The following CD58 variants were observed in gnomAD, a reference collection of about 807,000 sequenced individuals.
CD58 encodes the protein CD58 molecule, also known as lymphocyte function-associated antigen 3.
Under a neutral mutation model 27.6 loss-of-function variants are expected in CD58, and 14 were observed. That is an observed-to-expected ratio of 0.51 (90% CI 0.34 to 0.79). The LOEUF (loss-of-function observed/expected upper bound fraction) is 0.79. CD58 is among the 30% of genes least tolerant of loss of function. The pLI is 0.02. For synonymous variants in CD58, 117 were observed against 103.8 expected (o/e 1.13, Z -0.77); for missense variants, 268 against 301.7 (o/e 0.89, Z 0.83).
At chr1:116,518,707 G>A (rs1180227491) in intron 5 of CD58, 9 of 989,634 alleles carry the variant, frequency 9.1e-6, no homozygotes, top group Non-Finnish European at 1.1e-5. Context: ...CCCTACGGCG[G>A]TTTATTAAAC....
rs980001664 is a variant in CD58, at chr1:116,546,991, T to C, written c.71-2387A>G. Among the ~76,000 whole-genome samples the C allele has an allele frequency of 6.6e-6, 1 of 152,174 alleles. No individual in the cohort carries two copies. The highest frequency in any genetic ancestry group is 2.4e-5 in the African/African-American group (1 of 41,418). ...TATATTTTCTTCCTTATGCTTTTTT[T>C]TCTTTTTTAAATTTTTTTATTACTA... On this transcript the variant is annotated intron_variant, in intron 1 of 5. Coordinates refer to ENST00000369489, the MANE Select transcript of CD58 (RefSeq NM_001779.3). The surrounding 1 kb of genome is among the most constrained non-coding windows in gnomAD (Gnocchi z 4.1).
chr1:116,531,009 G>A lies in CD58; in HGVS notation c.628+4956C>T, dbSNP rs1657584622. 6.6e-6 allele frequency among the ~76,000 whole-genome samples: 1 copy of A among 151,956 alleles called. No individual in the cohort carries two copies. The highest frequency in any genetic ancestry group is 2.1e-4 in the South Asian group (1 of 4,824). On this transcript the variant is annotated intron_variant, in intron 3 of 5. Coordinates refer to ENST00000369489, the MANE Select transcript of CD58 (RefSeq NM_001779.3). The surrounding 1 kb of genome is among the most constrained non-coding windows in gnomAD (Gnocchi z 4.5). Reference sequence around the variant, plus strand: ...CTTTCAAAATCTGTTGTATATATGTGAACTATCAATTTGGAAGAAAATGTA... The same window carrying A: ...CTTTCAAAATCTGTTGTATATATGTAAACTATCAATTTGGAAGAAAATGTA...
chr1:116,540,069 C>G (rs1657944498), intron 2 of CD58, among the ~76,000 whole-genome samples: 2 of 152,136 alleles, frequency 1.3e-5, no homozygotes, highest in Admixed American at 1.3e-4. Context: ...ACATAAAAAT[C>G]ATCATCTGAG....
At position 116,516,612 on chromosome 1, in the gene CD58, C is replaced by G. The variant is rs1657088842; in HGVS notation, c.744-1790G>C. Among the ~76,000 whole-genome samples, 1 of 152,204 alleles carries G rather than the reference C, an allele frequency of 6.6e-6. No homozygotes were observed. The highest frequency in any genetic ancestry group is 2.1e-4 in the South Asian group (1 of 4,834). Reference sequence around the variant, plus strand: ...AATCACAACAGATTTAATTCCCTCTCATGTATTTGCCTCCGCTGTTTATCC... The same window carrying G: ...AATCACAACAGATTTAATTCCCTCTGATGTATTTGCCTCCGCTGTTTATCC... On this transcript the variant is annotated intron_variant, in intron 5 of 5. Coordinates refer to ENST00000369489, the MANE Select transcript of CD58 (RefSeq NM_001779.3). This position sits in a 1 kb window ranked among gnomAD's most constrained non-coding sequence, Gnocchi z 6.1.
chr1:116,536,675 T>TC lies in CD58; in HGVS notation c.365-448dup, dbSNP rs931877048. Among the ~76,000 whole-genome samples, 37 of 152,290 alleles carry TC rather than the reference T, an allele frequency of 2.4e-4. No homozygotes were observed. Among genetic ancestry groups the TC allele is most frequent in the Non-Finnish European group, 3.7e-4 (25 of 68,012 alleles). ...TCGCCTTCTGCCATGATTGTAAGTT[T>TC]CCCGAGGCCTCCCCAGCCATGTGGA... is the stretch of plus-strand genomic sequence containing the variant. On this transcript the variant is annotated intron_variant, in intron 2 of 5. Coordinates refer to ENST00000369489, the MANE Select transcript of CD58 (RefSeq NM_001779.3). The surrounding 1 kb of genome is among the most constrained non-coding windows in gnomAD (Gnocchi z 5.4).
At chr1:116,542,538 G>A (rs544866417) in intron 2 of CD58, among the ~76,000 whole-genome samples, 1 of 152,328 alleles carries the variant, frequency 6.6e-6, no homozygotes, top group East Asian at 1.9e-4. Context: ...ACTTCTTCAA[G>A]GAGATTTTCT....
chr1:116,534,191 G>A lies in CD58; in HGVS notation c.628+1774C>T. On this transcript the variant is annotated intron_variant, in intron 3 of 5. Coordinates refer to ENST00000369489, the MANE Select transcript of CD58 (RefSeq NM_001779.3). This position sits in a 1 kb window ranked among gnomAD's most constrained non-coding sequence, Gnocchi z 5.3. ...TCGGGGAGCACACGCCGCCCATCTG[G>A]CTCGCACCGCACAGCTCCCAACAGC... 1 of 594,220 alleles carries A rather than the reference G, an allele frequency of 1.7e-6. No homozygotes were observed. 36.8% of individuals were successfully genotyped at this position (594,220 alleles called of 1,614,324 possible). A position where few individuals can be genotyped will look rare whatever the true frequency, so the allele number is the denominator to read the frequency against.
Position 116,557,345 on chromosome 1 carries a change from A to G in CD58, c.71-12741T>C, listed in dbSNP as rs776046007. Among the ~76,000 whole-genome samples the G allele has an allele frequency of 3.3e-5, 5 of 152,164 alleles. No individual in the cohort carries two copies. The highest frequency in any genetic ancestry group is 6.5e-5 in the Admixed American group (1 of 15,282). ...GGCTCAGGAGCCCTCATATACAACC[A>G]AAACAGACTCAGTTTTTCAGCCCCA... On this transcript the variant is annotated intron_variant, in intron 1 of 5. Transcript: ENST00000369489. The surrounding 1 kb of genome is among the most constrained non-coding windows in gnomAD (Gnocchi z 5.2).
chr1:116,533,832 T>G lies in CD58; in HGVS notation c.628+2133A>C, dbSNP rs1161285157. ...CATATTTTCTTTCCAAGTCATGAAC[T>G]TCTTCATAGAACTTGGCTTCTATAT... is the stretch of plus-strand genomic sequence containing the variant. On this transcript the variant is annotated intron_variant, in intron 3 of 5. Transcript: ENST00000369489. 8 of 800,810 alleles carry G rather than the reference T, an allele frequency of 1.0e-5. No homozygotes were observed. The East Asian group carries it at 1.8e-4, about 18-fold the overall frequency. The allele number at this position is 800,810 out of a possible 1,614,324, so 49.6% of individuals were successfully genotyped here.
intron 1 of CD58, among the ~76,000 whole-genome samples, chr1:116,554,771 T>C (rs999733383): frequency 6.6e-6 from 1 of 152,120 alleles, no homozygotes; most frequent in Non-Finnish European, 1.5e-5. Context: ...TATTATAATA[T>C]TAAAACTATG....
At position 116,570,774 on chromosome 1, in the gene CD58, C is replaced by T. The variant is rs142491905; in HGVS notation, c.70+129G>A. 270 of 648,372 alleles carry T rather than the reference C, an allele frequency of 4.2e-4. No homozygotes were observed. In the African/African-American group the frequency reaches 4.9e-3, roughly 12 times the overall value. The allele number at this position is 648,372 out of a possible 1,614,324, so 40.2% of individuals were successfully genotyped here. On this transcript the variant is annotated intron_variant, in intron 1 of 5. Transcript: ENST00000369489. This position sits in a 1 kb window ranked among gnomAD's most constrained non-coding sequence, Gnocchi z 6.4. ...AAGGCTCCCACGGCTGAGTTGTTCCCGGCCCACAGCGACCCGTCCCCACCC... is the reference window on the plus strand; with the variant it reads ...AAGGCTCCCACGGCTGAGTTGTTCCTGGCCCACAGCGACCCGTCCCCACCC...
chr1:116,538,442 T>C lies in CD58; in HGVS notation c.365-2214A>G, dbSNP rs1174619833. Among the ~76,000 whole-genome samples the C allele has an allele frequency of 6.6e-6, 1 of 152,230 alleles. No homozygotes were observed. Among genetic ancestry groups the C allele is most frequent in the African/African-American group, 2.4e-5 (1 of 41,450 alleles). ...TCTCAGTATTTCATATACTTATGCC[T>C]GCCTCTGTAACTAGGCTGGGCATTT... On this transcript the variant is annotated intron_variant, in intron 2 of 5. Transcript: ENST00000369489. This position sits in a 1 kb window ranked among gnomAD's most constrained non-coding sequence, Gnocchi z 4.7.
intron 1 of CD58, among the ~76,000 whole-genome samples, chr1:116,569,933 G>A (rs913129204): frequency 1.3e-5 from 2 of 152,108 alleles, no homozygotes; most frequent in Non-Finnish European, 2.9e-5. Context: ...TTATCTGATC[G>A]TGCGGGTACT....
In CD58 at chr1:116,557,157, G is replaced by A. The variant is rs569899126; in HGVS notation, c.71-12553C>T. On this transcript the variant is annotated intron_variant, in intron 1 of 5. Coordinates refer to ENST00000369489, the MANE Select transcript of CD58 (RefSeq NM_001779.3). The surrounding 1 kb of genome is among the most constrained non-coding windows in gnomAD (Gnocchi z 5.2). Reference sequence around the variant, plus strand: ...AAAATGATTAAAATACAACTTAAATGTAGTTCAAAAGATAAGGCTTCCTGA... The same window carrying A: ...AAAATGATTAAAATACAACTTAAATATAGTTCAAAAGATAAGGCTTCCTGA... Among the ~76,000 whole-genome samples the A allele has an allele frequency of 6.6e-6, 1 of 152,288 alleles. No individual in the cohort carries two copies. Among genetic ancestry groups the A allele is most frequent in the South Asian group, 2.1e-4 (1 of 4,828 alleles).
At chr1:116,553,807 G>C (rs1181807830) in intron 1 of CD58, among the ~76,000 whole-genome samples, 1 of 152,144 alleles carries the variant, frequency 6.6e-6, no homozygotes, top group Non-Finnish European at 1.5e-5. Context: ...GTATGAAGTG[G>C]GAAAAGGCAG....
At position 116,531,170 on chromosome 1, in the gene CD58, C is replaced by T. The variant is rs985205258; in HGVS notation, c.628+4795G>A. On this transcript the variant is annotated intron_variant, in intron 3 of 5. Coordinates refer to ENST00000369489, the MANE Select transcript of CD58 (RefSeq NM_001779.3). This position sits in a 1 kb window ranked among gnomAD's most constrained non-coding sequence, Gnocchi z 4.5. ...ACTATTTACAGGGAAAGTAATCTTA[C>T]TTTCAGTAAGAGTAATTTTACTTTG... 3.3e-5 allele frequency among the ~76,000 whole-genome samples: 5 copies of T among 152,132 alleles called. No homozygotes were observed. Among genetic ancestry groups the T allele is most frequent in the African/African-American group, 1.2e-4 (5 of 41,428 alleles).
In CD58 at chr1:116,538,255, C is replaced by T. The variant is rs1211386568; in HGVS notation, c.365-2027G>A. Among the ~76,000 whole-genome samples the T allele has an allele frequency of 1.3e-5, 2 of 152,202 alleles. No individual in the cohort carries two copies. The highest frequency in any genetic ancestry group is 2.9e-5 in the Non-Finnish European group (2 of 68,040). On this transcript the variant is annotated intron_variant, in intron 2 of 5. Coordinates refer to ENST00000369489, the MANE Select transcript of CD58 (RefSeq NM_001779.3). This position sits in a 1 kb window ranked among gnomAD's most constrained non-coding sequence, Gnocchi z 4.7. ...TCAGAATTAAATCTTCAGTGGCAAT[C>T]CAATCCAATGGATAAGAAGTTGCTC...
At chr1:116,535,825 A>G (rs1235004880) in intron 3 of CD58, 140 bp downstream of exon 3, 9 of 619,222 alleles carry the variant, frequency 1.5e-5, no homozygotes, top group Non-Finnish European at 2.3e-5. Context: ...TGGGCGACAG[A>G]GCGAGACTCT....
At chr1:116,568,108 G>T (rs1028427612) in intron 1 of CD58, among the ~76,000 whole-genome samples, 4 of 150,160 alleles carry the variant, frequency 2.7e-5, no homozygotes, top group Non-Finnish European at 5.9e-5. Flanking sequence ...GGTTAAAAAG[G>T]CATGATTATC....
Sources: allele counts gnomAD v4.1 joint callset (sites outside exome capture counted in the v4.1 genomes callset), GRCh38; gene constraint gnomAD v4.1.1; non-coding constraint Gnocchi (gnomAD v3.1); transcripts MANE v1.5; gene names NCBI Gene and HGNC (gene_info 2026-07-23, HGNC 2026-07-21).